The following PKP4 variants were observed in gnomAD, a reference collection of about 807,000 sequenced individuals.
PKP4 encodes the protein plakophilin-4.
In PKP4, 90 loss-of-function variants were observed where a neutral mutation model predicts 145.1. The observed-to-expected ratio is 0.62, with a 90% CI of 0.52 to 0.74. PKP4 has a LOEUF of 0.74. Ranked by LOEUF, PKP4 falls within the 30% of genes least tolerant of loss-of-function variation. The pLI is 0.00. For missense variants in PKP4, 1,340 were observed against 1,482.7 expected, an observed-to-expected ratio of 0.90 and a Z score of 1.58; for synonymous variants, 563 against 577.2, an observed-to-expected ratio of 0.98 and a Z score of 0.35.
intron 1 of PKP4, among the ~76,000 whole-genome samples, chr2:158,523,060 G>A (rs1476746228): frequency 1.3e-5 from 2 of 152,014 alleles, no homozygotes; most frequent in Admixed American, 6.5e-5. Context: ...GGGGAGGGGC[G>A]CCCGCCATTG....
chr2:158,561,560 G>T (rs1272868182), intron 2 of PKP4, among the ~76,000 whole-genome samples: 1 of 152,158 alleles, frequency 6.6e-6, no homozygotes, highest in African/African-American at 2.4e-5. Flanking sequence ...GATTTGTTTT[G>T]ACCCTTCAGC....
intron 1 of PKP4, among the ~76,000 whole-genome samples, chr2:158,517,314 A>G (rs760372836): frequency 3.9e-5 from 6 of 152,246 alleles, no homozygotes; most frequent in Non-Finnish European, 5.9e-5. Flanking sequence ...ATTAATTACT[A>G]TATTATAGAT....
At chr2:158,649,088 A>T (rs1212592541) in intron 11 of PKP4, among the ~76,000 whole-genome samples, 1 of 152,258 alleles carries the variant, frequency 6.6e-6, no homozygotes, top group Non-Finnish European at 1.5e-5. Context: ...ACAAATTTTT[A>T]AAAGTTTAAT....
chr2:158,666,158 T>C (rs1159837236), intron 15 of PKP4: 1 of 279,944 alleles, frequency 3.6e-6, no homozygotes, highest in Non-Finnish European at 6.7e-6. Context: ...CCTTCTCTTT[T>C]CTGCACAAAA....
intron 2 of PKP4, among the ~76,000 whole-genome samples, chr2:158,569,801 T>C (rs1246720751): frequency 6.6e-6 from 1 of 152,160 alleles, no homozygotes; most frequent in African/African-American, 2.4e-5. Context: ...GACTTCCTAC[T>C]GGTAGACTTC....
At chr2:158,645,505 C>A (rs1298948955) in intron 11 of PKP4, among the ~76,000 whole-genome samples, 1 of 152,152 alleles carries the variant, frequency 6.6e-6, no homozygotes, top group Non-Finnish European at 1.5e-5. Context: ...CTTTGAACTT[C>A]CTGTGTCATG....
intron 1 of PKP4, among the ~76,000 whole-genome samples, chr2:158,475,056 A>T (rs1692234930): frequency 6.6e-6 from 1 of 152,204 alleles, no homozygotes; most frequent in Admixed American, 6.5e-5. Context: ...TTATACTGAG[A>T]TATCAGCTCT....
chr2:158,648,318 C>A (rs139482069), intron 11 of PKP4, among the ~76,000 whole-genome samples: 1 of 152,232 alleles, frequency 6.6e-6, no homozygotes, highest in African/African-American at 2.4e-5. Context: ...TCATTAGCTC[C>A]ATATTTTTAA....
chr2:158,591,557 T>C (rs2049279513), intron 3 of PKP4, among the ~76,000 whole-genome samples: 1 of 152,100 alleles, frequency 6.6e-6, no homozygotes, highest in Non-Finnish European at 1.5e-5. Flanking sequence ...ATTGTATATA[T>C]TTTAAATGTT....
chr2:158,601,601 C>G (rs1329274011), intron 3 of PKP4, among the ~76,000 whole-genome samples: 1 of 152,130 alleles, frequency 6.6e-6, no homozygotes, highest in African/African-American at 2.4e-5. Context: ...ATTTTGAAAT[C>G]AGCTAAGAGT....
chr2:158,646,251 A>G (rs555310604), intron 11 of PKP4, among the ~76,000 whole-genome samples: 1 of 152,294 alleles, frequency 6.6e-6, no homozygotes, highest in African/African-American at 2.4e-5. Context: ...GTTACCACTA[A>G]TCCTTTATTT....
At chr2:158,553,653 C>T (rs549664307) in intron 2 of PKP4, among the ~76,000 whole-genome samples, 1 of 152,148 alleles carries the variant, frequency 6.6e-6, no homozygotes, top group Non-Finnish European at 1.5e-5. Context: ...TAAACCTTGT[C>T]CCGCTGGGTT....
chr2:158,545,690 C>T (rs2044965914), intron 2 of PKP4, among the ~76,000 whole-genome samples: 2 of 152,128 alleles, frequency 1.3e-5, no homozygotes, highest in South Asian at 4.1e-4. Context: ...TTGATTTAAA[C>T]CTGGTACCAT....
rs3047993 is a variant in PKP4, at chr2:158,459,789, T to TCACACA, written c.-6+2589_-6+2594dup. On this transcript the variant is annotated intron_variant, in intron 1 of 21. Transcript: ENST00000389759. ...TGAAAACCCTGTTCAGATGTATGGA[T>TCACACA]CACACACACACACACACACACACGA... 4.0e-4 allele frequency among the ~76,000 whole-genome samples: 60 copies of TCACACA among 148,806 alleles called. 1 individual carries two copies. Among genetic ancestry groups the TCACACA allele is most frequent in the Admixed American group, 1.3e-3 (19 of 14,912 alleles).
At chr2:158,602,661 GTC>G (rs1259807564) in intron 3 of PKP4, among the ~76,000 whole-genome samples, 2 of 152,086 alleles carry the variant, frequency 1.3e-5, no homozygotes, top group Non-Finnish European at 2.9e-5. Context: ...AGTAATTTTT[GTC>G]TCTGTTCTAA....
intron 2 of PKP4, among the ~76,000 whole-genome samples, chr2:158,570,499 A>C (rs933136045): frequency 6.6e-6 from 1 of 152,216 alleles, no homozygotes; most frequent in Non-Finnish European, 1.5e-5. Context: ...CTAAGGCAGA[A>C]AGTAGATTTT....
intron 3 of PKP4, among the ~76,000 whole-genome samples, chr2:158,580,115 G>A (rs1301454396): frequency 1.3e-5 from 2 of 151,990 alleles, no homozygotes; most frequent in Admixed American, 6.6e-5. Flanking sequence ...ATGAGGGAGT[G>A]GTTGATATAT....
intron 4 of PKP4, among the ~76,000 whole-genome samples, chr2:158,606,688 A>G (rs1279350395): frequency 6.6e-6 from 1 of 152,230 alleles, no homozygotes; most frequent in Non-Finnish European, 1.5e-5. Context: ...CTGTATATGC[A>G]GTTACATTTG....
intron 11 of PKP4, 54 bp downstream of exon 11, chr2:158,642,753 T>A: frequency 7.3e-7 from 1 of 1,371,842 alleles, no homozygotes; most frequent in Non-Finnish European, 1.0e-6. Context: ...CAGTCTGGAC[T>A]GTGCCCTTGT....
Sources: allele counts gnomAD v4.1 joint callset (sites outside exome capture counted in the v4.1 genomes callset), GRCh38; gene constraint gnomAD v4.1.1; transcripts MANE v1.5; gene names NCBI Gene and HGNC (gene_info 2026-07-23, HGNC 2026-07-21).